PLEKHM3: variants seen among roughly 807,000 people sequenced by gnomAD.
The protein encoded by PLEKHM3 is pleckstrin homology domain-containing family M member 3.
Under a neutral mutation model 81.8 loss-of-function variants are expected in PLEKHM3, and 45 were observed. That is an observed-to-expected ratio of 0.55 (90% CI 0.43 to 0.71). The LOEUF (loss-of-function observed/expected upper bound fraction) is 0.71. Among genes scored for constraint, PLEKHM3 ranks in the 30% least tolerant of loss-of-function variants. PLEKHM3 has a pLI of 0.00. For synonymous variants in PLEKHM3, 352 were observed against 356.4 expected (o/e 0.99, Z 0.14); for missense variants, 788 against 924.3 (o/e 0.85, Z 1.91).
At chr2:207,955,627 G>A (rs189480143) in intron 3 of PLEKHM3, among the ~76,000 whole-genome samples, 1 of 152,108 alleles carries the variant, frequency 6.6e-6, no homozygotes, top group Non-Finnish European at 1.5e-5. Flanking sequence ...AGAAACTGAG[G>A]CAGAAGATGA....
intron 6 of PLEKHM3, among the ~76,000 whole-genome samples, chr2:207,880,677 G>A (rs780000381): frequency 7.0e-6 from 1 of 142,326 alleles, no homozygotes; most frequent in Non-Finnish European, 1.5e-5. Context: ...GCAGGAGAAT[G>A]GCGTGAACCC....
At chr2:207,994,024 T>C (rs113515934) in intron 2 of PLEKHM3, among the ~76,000 whole-genome samples, 113 of 152,218 alleles carry the variant, frequency 7.4e-4, no homozygotes, top group African/African-American at 2.5e-3. Context: ...CATCCTAGAA[T>C]GATATAATTT....
At chr2:207,955,761 T>C (rs575075033) in intron 3 of PLEKHM3, among the ~76,000 whole-genome samples, 2 of 150,576 alleles carry the variant, frequency 1.3e-5, no homozygotes, top group African/African-American at 5.0e-5. Context: ...CCCCTGCAGA[T>C]GACAAAACAA....
At chr2:207,829,130 T>C (rs1179132791) in intron 7 of PLEKHM3, among the ~76,000 whole-genome samples, 1 of 152,080 alleles carries the variant, frequency 6.6e-6, no homozygotes, top group Non-Finnish European at 1.5e-5. Context: ...CAGGAGACAG[T>C]GGGGAAGAAA....
intron 3 of PLEKHM3, among the ~76,000 whole-genome samples, chr2:207,953,647 T>C (rs981715424): frequency 6.6e-6 from 1 of 151,934 alleles, no homozygotes; most frequent in African/African-American, 2.4e-5. Flanking sequence ...AAACCCCTAC[T>C]AAAAACACAA....
chr2:208,011,650 C>T (rs868773024), intron 1 of PLEKHM3, among the ~76,000 whole-genome samples: 15 of 151,894 alleles, frequency 9.9e-5, no homozygotes, highest in Non-Finnish European at 1.8e-4. Context: ...GACTACAAAT[C>T]GGGTTCAGTG....
At chr2:207,835,988 A>C (rs929098518) in intron 7 of PLEKHM3, among the ~76,000 whole-genome samples, 1 of 152,184 alleles carries the variant, frequency 6.6e-6, no homozygotes. Context: ...AACTGGGTGC[A>C]TGTCAACACT....
intron 1 of PLEKHM3, among the ~76,000 whole-genome samples, chr2:208,023,443 C>T (rs1048341191): frequency 2.0e-5 from 3 of 152,182 alleles, no homozygotes; most frequent in Non-Finnish European, 4.4e-5. Context: ...CCCCAACCCC[C>T]ATGTCTGTAG....
At chr2:207,884,426 G>A (rs563889951) in intron 6 of PLEKHM3, among the ~76,000 whole-genome samples, 1 of 152,276 alleles carries the variant, frequency 6.6e-6, no homozygotes, top group East Asian at 1.9e-4. Flanking sequence ...ACAAGATCTG[G>A]TATACAGGAA....
Position 207,821,893 on chromosome 2 carries a change from G to A in PLEKHM3, c.*6426C>T, listed in dbSNP as rs2092220013. On this transcript the variant is annotated 3_prime_UTR_variant, in exon 8 of 8. Coordinates refer to ENST00000427836, the MANE Select transcript of PLEKHM3 (RefSeq NM_001080475.3). Reference sequence around the variant, plus strand: ...TGCGGCCAACCACTTTCCCTCCTTTGGCCATTCCTTCTTTTAGCTACTATT... The same window carrying A: ...TGCGGCCAACCACTTTCCCTCCTTTAGCCATTCCTTCTTTTAGCTACTATT... 6.6e-6 allele frequency: 1 copy of A among 151,898 alleles called. No homozygotes were observed. Among genetic ancestry groups the A allele is most frequent in the Non-Finnish European group, 1.5e-5 (1 of 68,002 alleles). 9.4% of individuals were successfully genotyped at this position (151,898 alleles called of 1,614,324 possible).
At chr2:207,831,413 C>G (rs2092287044) in intron 7 of PLEKHM3, among the ~76,000 whole-genome samples, 2 of 152,198 alleles carry the variant, frequency 1.3e-5, no homozygotes, top group South Asian at 4.1e-4. Context: ...GAGCATGGAG[C>G]CATCGCATAG....
At chr2:207,902,964 A>C (rs1688488949) in intron 6 of PLEKHM3, among the ~76,000 whole-genome samples, 1 of 152,050 alleles carries the variant, frequency 6.6e-6, no homozygotes, top group South Asian at 2.1e-4. Flanking sequence ...AGTGCTAGGC[A>C]ATTCCAGAAA....
intron 7 of PLEKHM3, among the ~76,000 whole-genome samples, chr2:207,858,211 T>C (rs1255399536): frequency 2.7e-5 from 4 of 149,740 alleles, no homozygotes; most frequent in South Asian, 2.1e-4. Context: ...TCTCACTCTG[T>C]TGCCCAGGCT....
intron 3 of PLEKHM3, among the ~76,000 whole-genome samples, chr2:207,965,881 G>T (rs1049688021): frequency 6.6e-5 from 10 of 152,118 alleles, no homozygotes. Context: ...AAGGAAAAAC[G>T]TATTACTTAT....
chr2:207,839,577 A>C (rs974417582), intron 7 of PLEKHM3, among the ~76,000 whole-genome samples: 1 of 152,138 alleles, frequency 6.6e-6, no homozygotes, highest in Admixed American at 6.5e-5. Context: ...GTGGTGCTCA[A>C]AGTGTGGTCC....
At chr2:207,847,953 C>T (rs757944607) in intron 7 of PLEKHM3, among the ~76,000 whole-genome samples, 1 of 152,204 alleles carries the variant, frequency 6.6e-6, no homozygotes, top group African/African-American at 2.4e-5. Context: ...GACTGCCAAG[C>T]GCAGCCCACA....
At chr2:208,007,125 G>A (rs1692520095) in intron 1 of PLEKHM3, among the ~76,000 whole-genome samples, 1 of 152,196 alleles carries the variant, frequency 6.6e-6, no homozygotes, top group African/African-American at 2.4e-5. Flanking sequence ...TGCTGAAGGT[G>A]TCTGGGGCCA....
chr2:207,968,342 A>G (rs563391464), intron 3 of PLEKHM3, among the ~76,000 whole-genome samples: 1 of 152,132 alleles, frequency 6.6e-6, no homozygotes, highest in South Asian at 2.1e-4. Context: ...ATTTTCCCTG[A>G]GTTAAATTCT....
chr2:207,932,510 A>G (rs1689628182), intron 4 of PLEKHM3, among the ~76,000 whole-genome samples: 1 of 151,256 alleles, frequency 6.6e-6, no homozygotes, highest in Non-Finnish European at 1.5e-5. Context: ...GCTTATTAAA[A>G]AGAAAAAAAA....
Sources: gnomAD v4.1 joint callset for allele counts (sites outside exome capture counted in the v4.1 genomes callset) on GRCh38, gnomAD v4.1.1 for gene constraint, MANE v1.5 for transcripts, NCBI Gene and HGNC (gene_info 2026-07-23, HGNC 2026-07-21) for gene names.